SRRT: variants seen among roughly 807,000 people sequenced by gnomAD.
SRRT encodes the protein serrate, RNA effector molecule.
SRRT carries 32 observed loss-of-function variants against 103.2 expected under a neutral mutation model. The ratio of observed to expected loss-of-function variants is 0.31; its 90% CI spans 0.23 to 0.42. SRRT has a LOEUF of 0.42. SRRT is among the 10% of genes least tolerant of loss of function. The pLI, the probability that SRRT is intolerant of heterozygous loss-of-function variation, is 1.00. For missense variants in SRRT, 986 were observed against 1,207.5 expected, an observed-to-expected ratio of 0.82 and a Z score of 2.72; for synonymous variants, 525 against 449.0, an observed-to-expected ratio of 1.17 and a Z score of -2.14.
rs1327030669 is a variant in SRRT, at chr7:100,884,568, C to T, written c.942+16C>T. The T allele has an allele frequency of 6.3e-7, 1 of 1,592,672 alleles. No homozygotes were observed. The highest frequency in any genetic ancestry group is 1.8e-5 in the Admixed American group (1 of 57,006). Reference sequence around the variant, plus strand: ...CGGCAAGCAGGTCCGAGCCCTGGGTCTCCTAGTGTTGTCCCTGGCAGCCTG... The same window carrying T: ...CGGCAAGCAGGTCCGAGCCCTGGGTTTCCTAGTGTTGTCCCTGGCAGCCTG... On this transcript the variant is annotated intron_variant, in intron 7 of 19. Transcript: ENST00000611405.
At chr7:100,881,977 G>T (rs560655612) in intron 4 of SRRT, 76 bp from the exon 5 acceptor site, 1 of 1,532,000 alleles carries the variant, frequency 6.5e-7, no homozygotes, top group Admixed American at 2.0e-5. Flanking sequence ...AAGTAAAGGG[G>T]CCCCAGCTAC....
At chr7:100,877,052 C>G (rs1337165257) in intron 2 of SRRT, among the ~76,000 whole-genome samples, 1 of 152,016 alleles carries the variant, frequency 6.6e-6, no homozygotes, top group Admixed American at 6.6e-5. Flanking sequence ...GCCATTTCCA[C>G]TGTTGGTGCC....
intron 2 of SRRT, among the ~76,000 whole-genome samples, chr7:100,880,184 T>C (rs1285686646): frequency 6.6e-6 from 1 of 152,010 alleles, no homozygotes; most frequent in Non-Finnish European, 1.5e-5. Context: ...TAATTAGCGG[T>C]GAGGGTAGTG....
intron 2 of SRRT, among the ~76,000 whole-genome samples, chr7:100,879,778 C>T (rs1462683202): frequency 6.7e-6 from 1 of 149,010 alleles, no homozygotes; most frequent in Non-Finnish European, 1.5e-5. Context: ...TGCTGCTGCA[C>T]TCCAGCCTGA....
chr7:100,881,521 T>TC (rs1221325640), intron 3 of SRRT, 108 bp downstream of exon 3: 2 of 1,562,982 alleles, frequency 1.3e-6, no homozygotes, highest in Non-Finnish European at 1.7e-6. Context: ...TTTCTCAACT[T>TC]CCCATCACCC....
At position 100,882,777 on chromosome 7, in the gene SRRT, G is replaced by GAAC. The variant is rs1351276538; in HGVS notation, c.587+537_587+539dup. On this transcript the variant is annotated intron_variant, in intron 5 of 19. Coordinates refer to ENST00000611405, the MANE Select transcript of SRRT (RefSeq NM_015908.6). This position sits in a 1 kb window ranked among gnomAD's most constrained non-coding sequence, Gnocchi z 4.2. ...CCTCCTTGAAAAGAGCCAGAACTGG[G>GAAC]AACTACACCCGCTCATCGACGGAGC... is the stretch of plus-strand genomic sequence containing the variant. 2 of 154,526 alleles carry GAAC rather than the reference G, an allele frequency of 1.3e-5. No homozygotes were observed. Among genetic ancestry groups the GAAC allele is most frequent in the Non-Finnish European group, 2.9e-5 (2 of 69,594 alleles). The allele number at this position is 154,526 out of a possible 1,614,324, so 9.6% of individuals were successfully genotyped here. A position where few individuals can be genotyped will look rare whatever the true frequency, so the allele number is the denominator to read the frequency against.
chr7:100,887,948 T>A lies in SRRT; in HGVS notation c.2326+89T>A. The A allele has an allele frequency of 6.5e-7, 1 of 1,540,754 alleles. No homozygotes were observed. Among genetic ancestry groups the A allele is most frequent in the Non-Finnish European group, 8.8e-7 (1 of 1,141,830 alleles). ...CTCTTTAACGTGTCACCCCGAGAAG[T>A]TTCTGCCCCATCCTCAGGCCATAGC... On this transcript the variant is annotated intron_variant, in intron 17 of 19. Transcript: ENST00000611405. This position sits in a 1 kb window ranked among gnomAD's most constrained non-coding sequence, Gnocchi z 4.1.
In SRRT at chr7:100,881,425, C is replaced by A; in HGVS notation, c.251+12C>A. On this transcript the variant is annotated intron_variant, in intron 3 of 19. Transcript: ENST00000611405. ...ATGAGGAGAGACTGGTGAGATGGAG[C>A]GGTTTCCCTCTCCTCCCCTTTGCCT... 1.2e-6 allele frequency: 2 copies of A among 1,607,222 alleles called. No individual in the cohort carries two copies. Among genetic ancestry groups the A allele is most frequent in the Non-Finnish European group, 1.7e-6 (2 of 1,174,538 alleles).
Position 100,888,302 on chromosome 7 carries a change from C to T in SRRT, c.2474C>T (p.Pro825Leu). The part of the protein sequence containing the change: ...PAVPTGGPPY[P>L]HAPYGAGRGN... Reference sequence around the variant, plus strand: ...GTCCCCACAGGAGGCCCTCCATACCCCCATGCCCCGTATGGTGCTGGTCGA... The same window carrying T: ...GTCCCCACAGGAGGCCCTCCATACCTCCATGCCCCGTATGGTGCTGGTCGA... Residue 825 changes from proline to leucine, a missense_variant, in exon 19 of 20, where the codon CCC becomes CTC. This residue lies in a region of SRRT where 178 missense variants were observed against 189.6 expected (regional missense o/e 0.94). Transcript: ENST00000611405. The T allele has an allele frequency of 9.3e-6, 15 of 1,614,048 alleles. No individual in the cohort carries two copies. The highest frequency in any genetic ancestry group is 1.2e-5 in the Non-Finnish European group (14 of 1,179,914).
At position 100,875,324 on chromosome 7, in the gene SRRT, C is replaced by T. The variant is rs1020930236; in HGVS notation, c.-23C>T. 4 of 1,191,810 alleles carry T rather than the reference C, an allele frequency of 3.4e-6. No individual in the cohort carries two copies. The highest frequency in any genetic ancestry group is 3.5e-5 in the Admixed American group (1 of 28,376). 73.8% of individuals were successfully genotyped at this position (1,191,810 alleles called of 1,614,324 possible). A position where few individuals can be genotyped will look rare whatever the true frequency, so the allele number is the denominator to read the frequency against. Reference sequence around the variant, plus strand: ...CGCGAGTCCAACGGCCGCGGCCGCACCAAGGTGGGGGAGGGGAGGAGCCTG... The same window carrying T: ...CGCGAGTCCAACGGCCGCGGCCGCATCAAGGTGGGGGAGGGGAGGAGCCTG... On this transcript the variant is annotated 5_prime_UTR_variant, in exon 1 of 20. Coordinates refer to ENST00000611405, the MANE Select transcript of SRRT (RefSeq NM_015908.6).
In SRRT at chr7:100,879,767, GTGC is replaced by G. The variant is rs1816104767; in HGVS notation, c.123-1511_123-1509del. Reference sequence around the variant, plus strand: ...AGGCTGTAGTGAGCCGAGAGTGATTGTGCTGCTGCACTCCAGCCTGAGCGACAG... The same window carrying G: ...AGGCTGTAGTGAGCCGAGAGTGATTGTGCTGCACTCCAGCCTGAGCGACAG... On this transcript the variant is annotated intron_variant, in intron 2 of 19. Transcript: ENST00000611405. Among the ~76,000 whole-genome samples the G allele has an allele frequency of 2.7e-5, 4 of 150,242 alleles. No homozygotes were observed. The South Asian group carries it at 8.4e-4, about 32-fold the overall frequency.
chr7:100,875,410 G>A, intron 1 of SRRT, 82 bp downstream of exon 1: 1 of 1,412,836 alleles, frequency 7.1e-7, no homozygotes, highest in Non-Finnish European at 9.3e-7. Flanking sequence ...GGAGAAACTC[G>A]GGGCGAGTGG....
chr7:100,884,895 C>T, intron 8 of SRRT, 28 bp from the exon 9 acceptor site: 1 of 1,613,952 alleles, frequency 6.2e-7, no homozygotes, highest in Non-Finnish European at 8.5e-7. Flanking sequence ...GGCACGCTGA[C>T]TTGTCCCCTC....
At chr7:100,883,277 T>G (rs1321907387) in intron 5 of SRRT, among the ~76,000 whole-genome samples, 1 of 152,228 alleles carries the variant, frequency 6.6e-6, no homozygotes. Flanking sequence ...CCTGTTGGTT[T>G]TTTTAGTTTC....
chr7:100,877,868 G>A (rs1815901852), intron 2 of SRRT, among the ~76,000 whole-genome samples: 1 of 152,076 alleles, frequency 6.6e-6, no homozygotes, highest in Admixed American at 6.5e-5. Flanking sequence ...TTTTTTCCAT[G>A]GGATGTTATT....
Position 100,884,485 on chromosome 7 carries a change from G to C in SRRT, c.875G>C (p.Gly292Ala). ...EPSKKEEGRA[G>A]AGLGDGERKT... ...AGCAAGAAAGAAGAAGGACGGGCTGGAGCAGGCCTAGGGGACGGGGAGCGC... is the reference window on the plus strand; with the variant it reads ...AGCAAGAAAGAAGAAGGACGGGCTGCAGCAGGCCTAGGGGACGGGGAGCGC... Residue 292 changes from glycine to alanine, a missense_variant, in exon 7 of 20, where the codon GGA becomes GCA. Transcript: ENST00000611405. The C allele has an allele frequency of 6.2e-7, 1 of 1,613,916 alleles. No individual in the cohort carries two copies. Among genetic ancestry groups the C allele is most frequent in the East Asian group, 2.2e-5 (1 of 44,858 alleles).
intron 2 of SRRT, 167 bp downstream of exon 2, chr7:100,875,879 T>TA: frequency 1.3e-6 from 1 of 777,454 alleles, no homozygotes; most frequent in Non-Finnish European, 2.0e-6. Context: ...AATAACTAGC[T>TA]GTGGCTTGGT....
rs1790278229 is a variant in SRRT, at chr7:100,887,689, C to T, written c.2170-14C>T. On this transcript the variant is annotated splice_polypyrimidine_tract_variant and intron_variant, in intron 16 of 19. Coordinates refer to ENST00000611405, the MANE Select transcript of SRRT (RefSeq NM_015908.6). This position sits in a 1 kb window ranked among gnomAD's most constrained non-coding sequence, Gnocchi z 4.1. ...TTATGTGGCTGTCCTGACCCCTCTC[C>T]TCTCTCCACCCAGGGTCCTGAGTTT... 6.2e-7 allele frequency: 1 copy of T among 1,601,672 alleles called. No individual in the cohort carries two copies. Among genetic ancestry groups the T allele is most frequent in the East Asian group, 2.2e-5 (1 of 44,500 alleles).
chr7:100,884,007 C>T lies in SRRT; in HGVS notation c.588-63C>T, dbSNP rs995377343. The T allele has an allele frequency of 4.6e-6, 7 of 1,515,454 alleles. No individual in the cohort carries two copies. The Admixed American group carries it at 6.9e-5, about 15-fold the overall frequency. 93.9% of individuals were successfully genotyped at this position (1,515,454 alleles called of 1,614,324 possible). ...ATGCCCTGTCTTTCCTGGGCCCCTT[C>T]CCACATCCTGGCCTTGGCTTCCAAT... On this transcript the variant is annotated intron_variant, in intron 5 of 19. Coordinates refer to ENST00000611405, the MANE Select transcript of SRRT (RefSeq NM_015908.6).
Sources: gnomAD v4.1 joint callset for allele counts (sites outside exome capture counted in the v4.1 genomes callset) on GRCh38, gnomAD v4.1.1 for gene constraint, gnomAD v4.1.1 regional missense constraint, Gnocchi (gnomAD v3.1) non-coding constraint, MANE v1.5 for transcripts, NCBI Gene and HGNC (gene_info 2026-07-23, HGNC 2026-07-21) for gene names.